ELF2: variants seen among roughly 807,000 people sequenced by gnomAD.
ELF2 encodes ETS-related transcription factor Elf-2.
Under a neutral mutation model 54.8 loss-of-function variants are expected in ELF2, and 11 were observed. That is an observed-to-expected ratio of 0.20 (90% CI 0.13 to 0.33). The LOEUF is 0.33. Among genes scored for constraint, ELF2 ranks in the 10% least tolerant of loss-of-function variants. The pLI is 1.00. For missense variants in ELF2, 513 were observed against 703.0 expected, an observed-to-expected ratio of 0.73 and a Z score of 3.06; for synonymous variants, 203 against 245.1, an observed-to-expected ratio of 0.83 and a Z score of 1.61.
At chr4:139,072,712 C>T (rs1729693519) in intron 5 of ELF2, among the ~76,000 whole-genome samples, 1 of 152,110 alleles carries the variant, frequency 6.6e-6, no homozygotes, top group Non-Finnish European at 1.5e-5. Flanking sequence ...CAAGATATGA[C>T]ATTTCTATTT....
At chr4:139,133,249 A>G (rs766719036) in intron 3 of ELF2, among the ~76,000 whole-genome samples, 22 of 152,188 alleles carry the variant, frequency 1.4e-4, no homozygotes, top group Non-Finnish European at 2.4e-4. Context: ...AAGGATAAGG[A>G]GAGGTTTAGC....
intron 4 of ELF2, among the ~76,000 whole-genome samples, chr4:139,096,497 C>G (rs1733305836): frequency 6.6e-6 from 1 of 152,106 alleles, no homozygotes; most frequent in South Asian, 2.1e-4. Flanking sequence ...CAGGCTCTCA[C>G]TCTGCCTAGG....
chr4:139,067,305 A>C (rs969105885), intron 7 of ELF2: 2 of 167,484 alleles, frequency 1.2e-5, no homozygotes, highest in Non-Finnish European at 2.6e-5. Context: ...AAATAAGAAA[A>C]GAAAGAAATT....
chr4:139,163,766 T>C (rs1275548530), intron 1 of ELF2, among the ~76,000 whole-genome samples: 1 of 151,830 alleles, frequency 6.6e-6, no homozygotes, highest in East Asian at 1.9e-4. Flanking sequence ...ATACAAAAAC[T>C]AGCCAGACAC....
chr4:139,092,164 C>A (rs1447447264), intron 4 of ELF2, among the ~76,000 whole-genome samples: 1 of 151,262 alleles, frequency 6.6e-6, no homozygotes, highest in East Asian at 2.0e-4. Flanking sequence ...GAGTTCAAGA[C>A]CAGCCTGGCA....
At chr4:139,068,737 A>C (rs897272494) in intron 6 of ELF2, among the ~76,000 whole-genome samples, 6 of 152,240 alleles carry the variant, frequency 3.9e-5, no homozygotes, top group Non-Finnish European at 8.8e-5. Flanking sequence ...AAAGAGGATT[A>C]AGCCTGAAAT....
At chr4:139,122,034 C>T (rs1043243176) in intron 4 of ELF2, among the ~76,000 whole-genome samples, 16 of 152,100 alleles carry the variant, frequency 1.1e-4, no homozygotes, top group African/African-American at 3.4e-4. Context: ...GACAATAGAA[C>T]ACTGTTTATG....
At chr4:139,137,960 T>A (rs1174500160) in intron 2 of ELF2, 93 bp from the exon 3 acceptor site, 2 of 893,936 alleles carry the variant, frequency 2.2e-6, no homozygotes, top group Admixed American at 3.8e-5. Flanking sequence ...TTTTAACACT[T>A]AACTAAGAAA....
chr4:139,104,808 C>T (rs1436014916), intron 4 of ELF2, among the ~76,000 whole-genome samples: 1 of 152,188 alleles, frequency 6.6e-6, no homozygotes, highest in Admixed American at 6.5e-5. Flanking sequence ...ACTGTCAACT[C>T]TCATGATGAC....
At chr4:139,151,057 A>AAAGAAAGG (rs1278022878) in intron 1 of ELF2, among the ~76,000 whole-genome samples, 8 of 106,732 alleles carry the variant, frequency 7.5e-5, no homozygotes, top group Admixed American at 4.9e-4. Flanking sequence ...AGAAAGAAAG[A>AAAGAAAGG]AAGAAAGAAA....
intron 4 of ELF2, among the ~76,000 whole-genome samples, chr4:139,079,445 T>C (rs1177551225): frequency 2.6e-5 from 4 of 152,210 alleles, no homozygotes; most frequent in Non-Finnish European, 5.9e-5. Flanking sequence ...AACAGTTTTG[T>C]CTTTACAGAT....
intron 2 of ELF2, 102 bp downstream of exon 2, chr4:139,139,311 T>C: frequency 1.7e-6 from 1 of 586,530 alleles, no homozygotes; most frequent in East Asian, 3.9e-5. Context: ...CTTTGTATCT[T>C]AAGAAGAAAA....
At chr4:139,122,596 A>G (rs1472018164) in intron 4 of ELF2, among the ~76,000 whole-genome samples, 1 of 151,852 alleles carries the variant, frequency 6.6e-6, no homozygotes, top group Non-Finnish European at 1.5e-5. Flanking sequence ...CCACCTCCTG[A>G]GTTCAAGCGA....
chr4:139,169,979 G>A (rs1357006715), intron 1 of ELF2, among the ~76,000 whole-genome samples: 4 of 152,052 alleles, frequency 2.6e-5, no homozygotes, highest in African/African-American at 9.7e-5. Flanking sequence ...TTCTTTCAGA[G>A]GGACTGTCTT....
intron 1 of ELF2, among the ~76,000 whole-genome samples, chr4:139,172,463 C>A (rs549702468): frequency 2.0e-5 from 3 of 152,284 alleles, no homozygotes; most frequent in African/African-American, 7.2e-5. Flanking sequence ...ACACTACCTG[C>A]TCATTAGTCA....
Position 139,151,036 on chromosome 4 carries a change from G to GAAAAGAAAAGAAAAGAAAAGAAAAGA in ELF2, c.-251-11540_-251-11539insTCTTTTCTTTTCTTTTCTTTTCTTTT. ...GAGGCTCCATCTCAAAAAAAAAAAA[G>GAAAAGAAAAGAAAAGAAAAGAAAAGA]AAAGAAAGAAAGAAAGAAAGAAAGA... On this transcript the variant is annotated intron_variant, in intron 1 of 9. Transcript: ENST00000686138. 2.6e-3 allele frequency among the ~76,000 whole-genome samples: 78 copies of GAAAAGAAAAGAAAAGAAAAGAAAAGA among 30,146 alleles called. 3 individuals carry two copies. The highest frequency in any genetic ancestry group is 5.9e-3 in the African/African-American group (75 of 12,744). The allele number at this position is 30,146 out of a possible 152,430, so 19.8% of individuals were successfully genotyped here. A position where few individuals can be genotyped will look rare whatever the true frequency, so the allele number is the denominator to read the frequency against.
intron 1 of ELF2, among the ~76,000 whole-genome samples, chr4:139,151,381 A>G (rs1739981523): frequency 6.6e-6 from 1 of 152,222 alleles, no homozygotes; most frequent in Non-Finnish European, 1.5e-5. Context: ...ACATAAACCA[A>G]AACAAGGCTG....
chr4:139,115,177 C>G, intron 4 of ELF2: 1 of 1,612,394 alleles, frequency 6.2e-7, no homozygotes, highest in Non-Finnish European at 8.5e-7. Context: ...GAGGCGCTTC[C>G]GTAGCTCCTT....
Position 139,060,465 on chromosome 4 carries a change from C to T in ELF2, c.1016G>A (p.Ser339Asn). The change falls in exon 9 of 10, where the codon AGT becomes AAT. Residue 339 changes from serine to asparagine, a missense_variant. Transcript: ENST00000686138. ...GTTTATAGGGGATGAATTTTTTCCA[C>T]TGCGAACAGAGGATGCTGCTTTCAG... ...SLLKAASSVR[S>N]GKNSSPINCS... is the part of the protein sequence containing the mutation. 1 of 1,614,200 alleles carries T rather than the reference C, an allele frequency of 6.2e-7. No homozygotes were observed. The highest frequency in any genetic ancestry group is 8.5e-7 in the Non-Finnish European group (1 of 1,180,038).
Sources: gnomAD v4.1 joint callset for allele counts (sites outside exome capture counted in the v4.1 genomes callset) on GRCh38, gnomAD v4.1.1 for gene constraint, MANE v1.5 for transcripts, NCBI Gene and HGNC (gene_info 2026-07-23, HGNC 2026-07-21) for gene names.